TDRD3: variants seen among roughly 807,000 people sequenced by gnomAD.
The protein encoded by TDRD3 is tudor domain containing 3, also known as tudor domain-containing protein 3.
TDRD3 carries 45 observed loss-of-function variants against 86.7 expected under a neutral mutation model. The observed-to-expected ratio is 0.52, with a 90% CI of 0.41 to 0.67. The LOEUF is 0.67. TDRD3 is among the 30% of genes least tolerant of loss of function. The pLI is 0.00. For missense variants in TDRD3, 814 were observed against 889.0 expected, an observed-to-expected ratio of 0.92 and a Z score of 1.07; for synonymous variants, 298 against 301.7, an observed-to-expected ratio of 0.99 and a Z score of 0.13.
At chr13:60,472,015 T>C (rs1409056391) in intron 5 of TDRD3, among the ~76,000 whole-genome samples, 1 of 152,156 alleles carries the variant, frequency 6.6e-6, no homozygotes, top group African/African-American at 2.4e-5. Flanking sequence ...TTTTTATATA[T>C]GGCTTTTATC....
intron 12 of TDRD3, among the ~76,000 whole-genome samples, chr13:60,549,622 T>A (rs1958004027): frequency 6.6e-6 from 1 of 152,132 alleles, no homozygotes; most frequent in African/African-American, 2.4e-5. Flanking sequence ...GTGAGAGATA[T>A]CAGTGTTTAA....
At chr13:60,459,712 C>T (rs1309868976) in intron 3 of TDRD3, among the ~76,000 whole-genome samples, 1 of 152,178 alleles carries the variant, frequency 6.6e-6, no homozygotes, top group Non-Finnish European at 1.5e-5. Flanking sequence ...CTTCCATTTC[C>T]CGGATTCAAG....
At chr13:60,446,225 AATT>A in intron 3 of TDRD3, among the ~76,000 whole-genome samples, 1 of 151,964 alleles carries the variant, frequency 6.6e-6, no homozygotes, top group Non-Finnish European at 1.5e-5. Context: ...TTATTCACAG[AATT>A]ATTATTTTTT....
chr13:60,472,355 A>G (rs1026458657), intron 5 of TDRD3, among the ~76,000 whole-genome samples: 1 of 152,220 alleles, frequency 6.6e-6, no homozygotes, highest in Non-Finnish European at 1.5e-5. Context: ...CATCTTAACC[A>G]TCTTAGATGT....
intron 8 of TDRD3, among the ~76,000 whole-genome samples, chr13:60,504,981 G>C (rs904504407): frequency 6.6e-5 from 10 of 152,168 alleles, no homozygotes; most frequent in Admixed American, 5.2e-4. Context: ...ATGCCACCAG[G>C]ACCCTGGGTT....
intron 13 of TDRD3, among the ~76,000 whole-genome samples, chr13:60,569,730 C>A (rs1211866126): frequency 1.3e-5 from 2 of 151,998 alleles, no homozygotes; most frequent in Non-Finnish European, 2.9e-5. Context: ...AACAAACAGA[C>A]CAATGGAACA....
At position 60,460,434 on chromosome 13, in the gene TDRD3, A is replaced by G. The variant is rs2138052167; in HGVS notation, c.247A>G (p.Lys83Glu). The G allele has an allele frequency of 3.1e-6, 5 of 1,604,360 alleles. No homozygotes were observed. In the East Asian group the frequency reaches 1.1e-4, roughly 36 times the overall value. Residue 83 changes from lysine (K) to glutamate (E), a missense_variant, in exon 4 of 14, where the codon AAG becomes GAG. By Grantham distance (56) the Lys-to-Glu change is moderately conservative. Transcript: ENST00000377881. Reference protein sequence around the residue: ...IQKIRNVAAPKDNEESQAAPR... With the variant: ...IQKIRNVAAPEDNEESQAAPR... ...AAAAATTCGCAATGTTGCTGCACCA[A>G]AGGATAATGAAGAATCTCAGGCTGC...
At chr13:60,523,400 C>T (rs1957333924) in intron 10 of TDRD3, among the ~76,000 whole-genome samples, 1 of 152,074 alleles carries the variant, frequency 6.6e-6, no homozygotes, top group African/African-American at 2.4e-5. Flanking sequence ...AATTATCTCA[C>T]AAACATACAT....
chr13:60,545,557 G>T (rs1222676197), intron 12 of TDRD3, among the ~76,000 whole-genome samples: 2 of 151,898 alleles, frequency 1.3e-5, no homozygotes, highest in Non-Finnish European at 1.5e-5. Context: ...CATTTTTTTG[G>T]TACCACTTAA....
At chr13:60,517,957 A>C (rs977771995) in intron 10 of TDRD3, among the ~76,000 whole-genome samples, 20 of 152,224 alleles carry the variant, frequency 1.3e-4, no homozygotes, top group African/African-American at 4.3e-4. Flanking sequence ...CAGAACCTGC[A>C]GCTAAAACAA....
At chr13:60,461,693 G>A (rs1955807174) in intron 4 of TDRD3, among the ~76,000 whole-genome samples, 1 of 152,132 alleles carries the variant, frequency 6.6e-6, no homozygotes, top group Non-Finnish European at 1.5e-5. Flanking sequence ...TTAGATTTCA[G>A]CCTCTTAGTA....
chr13:60,412,821 T>G (rs1954397576), intron 1 of TDRD3, among the ~76,000 whole-genome samples: 1 of 152,124 alleles, frequency 6.6e-6, no homozygotes, highest in South Asian at 2.1e-4. Flanking sequence ...TTTCATTTCA[T>G]GTGTAAATTA....
In TDRD3 at chr13:60,440,656, G is replaced by A. The variant is rs1955241383; in HGVS notation, c.126+884G>A. 2.0e-5 allele frequency among the ~76,000 whole-genome samples: 3 copies of A among 152,068 alleles called. No individual in the cohort carries two copies. In the South Asian group the frequency reaches 6.2e-4, roughly 32 times the overall value. On this transcript the variant is annotated intron_variant, in intron 2 of 13. Coordinates refer to ENST00000377881, the MANE Select transcript of TDRD3 (RefSeq NM_001146070.2). ...AGATCATGCCACTGCACTCCAGCCT[G>A]GGCAACAGAGTGAGACTCTGTCTCA...
At chr13:60,476,208 A>G (rs931293278) in intron 5 of TDRD3, among the ~76,000 whole-genome samples, 3 of 152,096 alleles carry the variant, frequency 2.0e-5, no homozygotes, top group African/African-American at 7.2e-5. Context: ...TCTTGAGTTA[A>G]TGTTTGCGTA....
intron 10 of TDRD3, among the ~76,000 whole-genome samples, chr13:60,527,048 T>C (rs964096174): frequency 1.3e-5 from 2 of 152,132 alleles, no homozygotes; most frequent in African/African-American, 2.4e-5. Context: ...TTGCCCAGGG[T>C]GGTCTCGAAC....
intron 5 of TDRD3, among the ~76,000 whole-genome samples, chr13:60,483,305 T>A (rs1277222318): frequency 6.6e-6 from 1 of 152,124 alleles, no homozygotes; most frequent in Non-Finnish European, 1.5e-5. Flanking sequence ...TAAAAGAACC[T>A]CCATATTATA....
At chr13:60,436,053 A>T (rs759093881) in intron 1 of TDRD3, among the ~76,000 whole-genome samples, 1 of 145,890 alleles carries the variant, frequency 6.9e-6, no homozygotes, top group Admixed American at 6.8e-5. Context: ...CTGTTTTTAT[A>T]TATCTTCTTT....
chr13:60,406,502 A>G (rs1353262345), intron 1 of TDRD3, among the ~76,000 whole-genome samples: 1 of 152,246 alleles, frequency 6.6e-6, no homozygotes, highest in East Asian at 1.9e-4. Context: ...TTAAAATTAC[A>G]TATGTGGACA....
chr13:60,557,122 C>T (rs1958206123), intron 12 of TDRD3, among the ~76,000 whole-genome samples: 1 of 148,356 alleles, frequency 6.7e-6, no homozygotes, highest in African/African-American at 2.5e-5. Flanking sequence ...AGGAGAATCG[C>T]TTGAACCCAG....
Sources: allele counts gnomAD v4.1 joint callset (sites outside exome capture counted in the v4.1 genomes callset), GRCh38; gene constraint gnomAD v4.1.1; transcripts MANE v1.5; gene names NCBI Gene and HGNC (gene_info 2026-07-23, HGNC 2026-07-21).